PRKCH: variants seen among roughly 807,000 people sequenced by gnomAD.
PRKCH encodes the protein protein kinase C eta, also known as protein kinase C eta type.
In PRKCH, 28 loss-of-function variants were observed where a neutral mutation model predicts 82.5. The observed-to-expected ratio is 0.34, with a 90% CI of 0.25 to 0.47. PRKCH has a LOEUF of 0.47. Ranked by LOEUF, PRKCH falls within the 20% of genes least tolerant of loss-of-function variation. The pLI is 1.00. For synonymous variants in PRKCH, 322 were observed against 327.4 expected (o/e 0.98, Z 0.18); for missense variants, 705 against 881.8 (o/e 0.80, Z 2.54).
Position 61,537,433 on chromosome 14 carries a change from A to T in PRKCH, c.1761+6838A>T, listed in dbSNP as rs1594795611. ...GCCATCAGGTTTCTTAGGCTGACTA[A>T]ATCATCCCAAAATGCTGATAATGAT... On this transcript the variant is annotated intron_variant, in intron 12 of 13. Coordinates refer to ENST00000332981, the MANE Select transcript of PRKCH (RefSeq NM_006255.5). The T allele has an allele frequency of 2.0e-5, 3 of 152,304 alleles. No individual in the cohort carries two copies. In the South Asian group the frequency reaches 6.2e-4, roughly 32 times the overall value. The allele number at this position is 152,304 out of a possible 1,614,324, so 9.4% of individuals were successfully genotyped here. A position where few individuals can be genotyped will look rare whatever the true frequency, so the allele number is the denominator to read the frequency against.
intron 2 of PRKCH, among the ~76,000 whole-genome samples, chr14:61,403,502 G>C (rs145856800): frequency 2.0e-4 from 30 of 152,278 alleles, no homozygotes; most frequent in African/African-American, 7.0e-4. Context: ...GCCAGTTTTT[G>C]TTATAAGCCT....
chr14:61,470,743 C>G (rs1480965465), intron 9 of PRKCH, among the ~76,000 whole-genome samples: 1 of 152,174 alleles, frequency 6.6e-6, no homozygotes, highest in East Asian at 1.9e-4. Context: ...TTCCCAGAAT[C>G]TCTTAATTCC....
chr14:61,532,902 G>C (rs1490813195), intron 12 of PRKCH, among the ~76,000 whole-genome samples: 2 of 152,216 alleles, frequency 1.3e-5, no homozygotes, highest in Admixed American at 6.5e-5. Flanking sequence ...TCTCATGCCA[G>C]CTGCTCCACT....
chr14:61,216,247 C>T (rs1471242999), intron 1 of PRKCH, among the ~76,000 whole-genome samples: 1 of 152,026 alleles, frequency 6.6e-6, no homozygotes, highest in Non-Finnish European at 1.5e-5. Flanking sequence ...GGGCGGATCA[C>T]CTAAGGTCGG....
At chr14:61,442,466 TA>T (rs1884022602) in intron 2 of PRKCH, 1 of 152,164 alleles carries the variant, frequency 6.6e-6, no homozygotes. Context: ...AGCTCATAGA[TA>T]GACGCGAGGT....
At chr14:61,359,819 A>G (rs974039906) in intron 1 of PRKCH, among the ~76,000 whole-genome samples, 2 of 152,252 alleles carry the variant, frequency 1.3e-5, no homozygotes, top group African/African-American at 2.4e-5. Flanking sequence ...AAGTTCATCA[A>G]TTATATTAGC....
At chr14:61,458,020 T>C (rs148831856) in intron 9 of PRKCH, among the ~76,000 whole-genome samples, 3 of 152,238 alleles carry the variant, frequency 2.0e-5, no homozygotes, top group East Asian at 1.9e-4. Flanking sequence ...ATGGGCTCAT[T>C]GTCTTGATGA....
chr14:61,387,812 A>G (rs1200116702), intron 1 of PRKCH, among the ~76,000 whole-genome samples: 1 of 152,234 alleles, frequency 6.6e-6, no homozygotes, highest in Non-Finnish European at 1.5e-5. Flanking sequence ...TACTACCTGT[A>G]GCATGTTCAT....
At chr14:61,402,014 C>T (rs2140218711) in intron 2 of PRKCH, among the ~76,000 whole-genome samples, 1 of 152,344 alleles carries the variant, frequency 6.6e-6, no homozygotes, top group South Asian at 2.1e-4. Flanking sequence ...AAATTAGAGC[C>T]TTCAAAACAT....
At chr14:61,308,429 T>C (rs1466424725) in intron 1 of PRKCH, among the ~76,000 whole-genome samples, 2 of 152,186 alleles carry the variant, frequency 1.3e-5, no homozygotes, top group Non-Finnish European at 1.5e-5. Flanking sequence ...AATTCCTTTG[T>C]TGACTTCCTT....
intron 1 of PRKCH, among the ~76,000 whole-genome samples, chr14:61,342,300 A>G (rs1272614786): frequency 6.6e-6 from 1 of 152,156 alleles, no homozygotes; most frequent in Non-Finnish European, 1.5e-5. Context: ...CCTAACTCAT[A>G]TAAATGTAGA....
At chr14:61,363,054 T>C (rs534776639) in intron 1 of PRKCH, among the ~76,000 whole-genome samples, 81 of 152,258 alleles carry the variant, frequency 5.3e-4, no homozygotes, top group African/African-American at 1.8e-3. Flanking sequence ...GAGGAAGGCA[T>C]TGTAGGCTAA....
chr14:61,453,666 CT>C (rs989777697), intron 7 of PRKCH, among the ~76,000 whole-genome samples: 1 of 146,052 alleles, frequency 6.8e-6, no homozygotes, highest in Non-Finnish European at 1.5e-5. Context: ...GTCTTCATTC[CT>C]TTTTGAGATG....
At chr14:61,488,010 G>A (rs1193213588) in intron 10 of PRKCH, among the ~76,000 whole-genome samples, 5 of 152,048 alleles carry the variant, frequency 3.3e-5, no homozygotes, top group South Asian at 2.1e-4. Flanking sequence ...AAAATTAGCC[G>A]GGCAAGGTGG....
rs541885262 is a variant in PRKCH at position 61,244,976 on chromosome 14, A to G, written c.-19+57308A>G. Among the ~76,000 whole-genome samples the G allele has an allele frequency of 3.0e-3, 461 of 152,304 alleles. 3 individuals carry two copies. The highest frequency in any genetic ancestry group is 0.011 in the South Asian group (53 of 4,820). On this transcript the variant is annotated intron_variant, in intron 1 of 3. Coordinates refer to the PRKCH transcript ENST00000555185. Reference sequence around the variant, plus strand: ...ACTTTATTGTTTAAACACAAAAGCAAAACTTTGGTAAACCTACTATACCTG... The same window carrying G: ...ACTTTATTGTTTAAACACAAAAGCAGAACTTTGGTAAACCTACTATACCTG...
intron 2 of PRKCH, among the ~76,000 whole-genome samples, chr14:61,404,762 T>G (rs938388460): frequency 6.6e-6 from 1 of 152,150 alleles, no homozygotes; most frequent in Non-Finnish European, 1.5e-5. Context: ...TGAGGTATCA[T>G]TTGAGCCAGA....
intron 10 of PRKCH, among the ~76,000 whole-genome samples, chr14:61,488,730 A>G (rs1320198372): frequency 1.3e-5 from 2 of 152,156 alleles, no homozygotes; most frequent in Admixed American, 6.5e-5. Flanking sequence ...CCTTTCCTTC[A>G]TTGGATATTA....
At chr14:61,207,347 T>C (rs1382701358) in intron 1 of PRKCH, among the ~76,000 whole-genome samples, 1 of 152,248 alleles carries the variant, frequency 6.6e-6, no homozygotes, top group East Asian at 1.9e-4. Flanking sequence ...GTCCCTGCTC[T>C]GGTTTCTCCT....
chr14:61,519,723 A>T (rs1443067772), intron 10 of PRKCH, among the ~76,000 whole-genome samples: 2 of 152,198 alleles, frequency 1.3e-5, no homozygotes, highest in Non-Finnish European at 2.9e-5. Context: ...ACCTCATTTA[A>T]TAATTAGGAA....
Sources: gnomAD v4.1 joint callset for allele counts (sites outside exome capture counted in the v4.1 genomes callset) on GRCh38, gnomAD v4.1.1 for gene constraint, MANE v1.5 for transcripts, NCBI Gene and HGNC (gene_info 2026-07-23, HGNC 2026-07-21) for gene names.